CSAD: variants seen among roughly 807,000 people sequenced by gnomAD.
The protein encoded by CSAD is cysteine sulfinic acid decarboxylase, also known as P-selectin cytoplasmic tail-associated protein.
CSAD carries 47 observed loss-of-function variants against 61.5 expected under a neutral mutation model. The ratio of observed to expected loss-of-function variants is 0.76; its 90% CI spans 0.60 to 0.97. The LOEUF (loss-of-function observed/expected upper bound fraction) is 0.97, where lower values mean the gene tolerates loss of function less well. Among genes scored for constraint, CSAD ranks in the 50% least tolerant of loss-of-function variants. The probability of loss-of-function intolerance (pLI) is 0.00; values close to 1 mark genes in which losing one functional copy is unlikely to be tolerated. For missense variants in CSAD, 611 were observed against 643.6 expected (o/e 0.95, Z 0.55); for synonymous variants, 245 against 252.7 (o/e 0.97, Z 0.29).
chr12:53,170,017 T>C, intron 10 of CSAD, 55 bp downstream of exon 10: 4 of 1,474,348 alleles, frequency 2.7e-6, no homozygotes, highest in Non-Finnish European at 3.8e-6. Flanking sequence ...AGAGCCCAAA[T>C]AACCCTCCAA....
In CSAD at chr12:53,160,104, A is replaced by G. The variant is rs1592301700; in HGVS notation, c.1166+16T>C. 1 of 1,611,690 alleles carries G rather than the reference A, an allele frequency of 6.2e-7. No homozygotes were observed. Among genetic ancestry groups the G allele is most frequent in the South Asian group, 1.1e-5 (1 of 91,026 alleles). On this transcript the variant is annotated intron_variant, in intron 14 of 16. Transcript: ENST00000444623. ...GAGAGGGGAACAGGGACGACCCCCC[A>G]CCTCCTCCCGCCTACCGGGCAAGGA...
rs1565650306 is a variant in CSAD, at chr12:53,161,475, T to C, written c.703-86A>G. On this transcript the variant is annotated intron_variant, in intron 10 of 16. Transcript: ENST00000444623. The stretch of plus-strand genomic sequence containing the variant: ...GATGCTGGGCCCAGCTCTAAGCTCT[T>C]TGCATGCCTAAAATGGCCCATTTCA... 13 of 1,089,392 alleles carry C rather than the reference T, an allele frequency of 1.2e-5. No individual in the cohort carries two copies. The East Asian group carries it at 1.7e-4, about 14-fold the overall frequency. The allele number at this position is 1,089,392 out of a possible 1,614,324, so 67.5% of individuals were successfully genotyped here.
chr12:53,173,487 G>A lies in CSAD; in HGVS notation c.-6-11C>T, dbSNP rs553870614. 1.3e-5 allele frequency: 21 copies of A among 1,614,178 alleles called. No homozygotes were observed. In the East Asian group the frequency reaches 4.0e-4, roughly 31 times the overall value. ...GTCAGCCATCAGGATCTGTGGCAGA[G>A]CAGAGTCATTCCCTACTCAGCCTGT... On this transcript the variant is annotated splice_polypyrimidine_tract_variant and intron_variant, in intron 3 of 16. Coordinates refer to ENST00000444623, the MANE Select transcript of CSAD (RefSeq NM_001244705.2).
intron 1 of CSAD, chr12:53,180,458 G>C: frequency 1.7e-6 from 2 of 1,200,210 alleles, no homozygotes; most frequent in East Asian, 7.0e-5. Flanking sequence ...AGGGCCGAGG[G>C]TCCTGCCCTC....
chr12:53,165,476 C>A (rs568585599), intron 10 of CSAD, among the ~76,000 whole-genome samples: 1 of 151,502 alleles, frequency 6.6e-6, no homozygotes, highest in Non-Finnish European at 1.5e-5. Flanking sequence ...CTGGCTAACA[C>A]GGTGAAACCC....
chr12:53,160,734 G>A, intron 13 of CSAD, 29 bp downstream of exon 13: 5 of 1,530,110 alleles, frequency 3.3e-6, no homozygotes, highest in Non-Finnish European at 4.4e-6. Flanking sequence ...AGAGAGGTGG[G>A]GCTGGTGCAG....
At position 53,161,165 on chromosome 12, in the gene CSAD, C is replaced by A. The variant is rs1299488334; in HGVS notation, c.846G>T (p.Leu282=). 1.2e-6 allele frequency: 2 copies of A among 1,614,158 alleles called. No homozygotes were observed. Among genetic ancestry groups the A allele is most frequent in the Admixed American group, 3.3e-5 (2 of 60,018 alleles). Residue 282 remains leucine (L), a synonymous_variant, in exon 12 of 17, where the codon CTG becomes CTT. Coordinates refer to ENST00000444623, the MANE Select transcript of CSAD (RefSeq NM_001244705.2). ...CCAGGAGATGCCTGTGTGTCTGTGA[C>A]AGCAGGACGCTCCCACCCCAGGCAG... is the stretch of plus-strand genomic sequence containing the variant. ...VDAAWGGSVL[L]SQTHRHLLDG...
intron 10 of CSAD, 96 bp from the exon 11 acceptor site, chr12:53,161,485 A>G: frequency 1.1e-6 from 1 of 936,492 alleles, no homozygotes; most frequent in South Asian, 1.5e-5. Context: ...TTGCATGCCT[A>G]AAATGGCCCA....
Position 53,161,395 on chromosome 12 carries a change from GC to G in CSAD, c.703-7del, listed in dbSNP as rs1473906078. On this transcript the variant is annotated splice_region_variant and splice_polypyrimidine_tract_variant and intron_variant, in intron 10 of 16. Transcript: ENST00000444623. ...ACCAGGAACGGCACAGCACCCTGTT[GC>G]CAAAATGTAGAGGGAGAAAGATGTA... The G allele has an allele frequency of 6.2e-7, 1 of 1,607,340 alleles. No individual in the cohort carries two copies. The highest frequency in any genetic ancestry group is 1.7e-5 in the Admixed American group (1 of 59,874).
At chr12:53,176,201 G>C (rs1481572809) in intron 2 of CSAD, among the ~76,000 whole-genome samples, 1 of 152,004 alleles carries the variant, frequency 6.6e-6, no homozygotes, top group African/African-American at 2.4e-5. Context: ...CCTGAGGTCA[G>C]GAGTTCGAGA....
rs779470500 is a variant in CSAD, at chr12:53,158,614, G to C, written c.1379C>G (p.Thr460Ser). The part of the protein sequence containing the change: ...SMMIGYQPHG[T>S]RGNFFRVVVA... ...AACCACACGGAAGAAGTTGCCCCGG[G>C]TCCCGTGGGGCTGGTAGCCAATCAT... The change falls in exon 17 of 17, where the codon ACC (threonine) becomes AGC (serine). Residue 460 changes from threonine to serine, a missense_variant. Physicochemically the swap from Thr to Ser is moderately conservative, Grantham distance 58. Transcript: ENST00000444623. The C allele has an allele frequency of 4.3e-6, 7 of 1,614,188 alleles. No individual in the cohort carries two copies. Among genetic ancestry groups the C allele is most frequent in the Non-Finnish European group, 5.9e-6 (7 of 1,180,026 alleles).
intron 14 of CSAD, 54 bp downstream of exon 14, chr12:53,160,066 G>A: frequency 6.2e-7 from 1 of 1,605,024 alleles, no homozygotes; most frequent in Non-Finnish European, 8.5e-7. Context: ...AAGAGGGAGG[G>A]GCATGGACCC....
intron 2 of CSAD, 143 bp from the exon 3 acceptor site, chr12:53,173,913 A>G (rs1307589912): frequency 1.3e-6 from 1 of 764,790 alleles, no homozygotes; most frequent in Non-Finnish European, 2.2e-6. Flanking sequence ...AAAAAACCTC[A>G]GTAGCAGTCA....
chr12:53,179,176 G>T (rs1420518420), intron 1 of CSAD, 34 bp from the exon 2 acceptor site: 3 of 152,456 alleles, frequency 2.0e-5, no homozygotes, highest in Non-Finnish European at 2.9e-5. Flanking sequence ...ATTTAAGGAT[G>T]TTCATTATTG....
chr12:53,168,467 C>A (rs1256788133), intron 10 of CSAD, among the ~76,000 whole-genome samples: 4 of 152,150 alleles, frequency 2.6e-5, no homozygotes, highest in African/African-American at 9.7e-5. Context: ...GCTGCCCTTA[C>A]TGCTACTCAG....
intron 10 of CSAD, among the ~76,000 whole-genome samples, chr12:53,165,896 C>A (rs1565657605): frequency 6.6e-6 from 1 of 151,994 alleles, no homozygotes; most frequent in Non-Finnish European, 1.5e-5. Context: ...AAACAGCAAC[C>A]CAAACAGATA....
rs1192541433 is a variant in CSAD, at chr12:53,179,663, C to A, written c.-90-521G>T. On this transcript the variant is annotated intron_variant, in intron 1 of 16. Transcript: ENST00000444623. Reference sequence around the variant, plus strand: ...ATGGAGTGGCTCAGGGAAATGAAATCTGTCTACAAAAAAAAAAAAGTTGAG... The same window carrying A: ...ATGGAGTGGCTCAGGGAAATGAAATATGTCTACAAAAAAAAAAAAGTTGAG... 12 of 918,614 alleles carry A rather than the reference C, an allele frequency of 1.3e-5. No homozygotes were observed. In the African/African-American group the frequency reaches 2.1e-4, roughly 16 times the overall value. 56.9% of individuals were successfully genotyped at this position (918,614 alleles called of 1,614,324 possible).
In CSAD at chr12:53,173,748, G is replaced by A. The variant is rs530239389; in HGVS notation, c.-27C>T. ...CTTACCTCTCTGCTCAGGAGAGCCG[G>A]AGGCAGGGTGCACAGGTAGCTCCTC... On this transcript the variant is annotated 5_prime_UTR_variant, in exon 3 of 17. Coordinates refer to ENST00000444623, the MANE Select transcript of CSAD (RefSeq NM_001244705.2). The A allele has an allele frequency of 7.4e-6, 12 of 1,613,100 alleles. No homozygotes were observed. In the Admixed American group the frequency reaches 1.7e-4, roughly 22 times the overall value.
chr12:53,161,373 AG>A lies in CSAD; in HGVS notation c.718del (p.Leu240TrpfsTer11). 6.2e-7 allele frequency: 1 copy of A among 1,613,922 alleles called. No homozygotes were observed. Among genetic ancestry groups the A allele is most frequent in the Non-Finnish European group, 8.5e-7 (1 of 1,179,900 alleles). ...AGTGGTGCCAGAGGTGGCACTGACC[AG>A]GAACGGCACAGCACCCTGTTGCCAA... is the stretch of plus-strand genomic sequence containing the variant. ...MAEAEGAVPF[L>X]VSATSGTTVL... On this transcript the variant is annotated frameshift_variant, in exon 11 of 17. Transcript: ENST00000444623. LOFTEE classifies it high-confidence loss of function.
Sources: allele counts gnomAD v4.1 joint callset (sites outside exome capture counted in the v4.1 genomes callset), GRCh38; gene constraint gnomAD v4.1.1; transcripts MANE v1.5; gene names NCBI Gene and HGNC (gene_info 2026-07-23, HGNC 2026-07-21).